PDE10A: variants seen among roughly 807,000 people sequenced by gnomAD.
PDE10A encodes phosphodiesterase 10A.
Under a neutral mutation model 97.7 loss-of-function variants are expected in PDE10A, and 39 were observed. The ratio of observed to expected loss-of-function variants is 0.40; its 90% confidence interval spans 0.31 to 0.52. The LOEUF is 0.52. Among genes scored for constraint, PDE10A ranks in the 20% least tolerant of loss-of-function variants. The pLI is 0.56. For missense variants in PDE10A, 731 were observed against 1,047.8 expected, an observed-to-expected ratio of 0.70 and a Z score of 4.17; for synonymous variants, 371 against 376.8, an observed-to-expected ratio of 0.98 and a Z score of 0.18.
chr6:165,333,748 G>T (rs1240927404), intron 21 of PDE10A, among the ~76,000 whole-genome samples: 1 of 152,202 alleles, frequency 6.6e-6, no homozygotes, highest in African/African-American at 2.4e-5. Context: ...CTCTCTCAGT[G>T]TCTGTGGTTC....
At chr6:165,780,047 C>G (rs755713883) in intron 1 of PDE10A, among the ~76,000 whole-genome samples, 28 of 152,212 alleles carry the variant, frequency 1.8e-4, no homozygotes, top group Non-Finnish European at 1.5e-5. Flanking sequence ...TACTCTCCCC[C>G]TCTATACTTA....
intron 1 of PDE10A, among the ~76,000 whole-genome samples, chr6:165,784,632 A>G (rs1178277805): frequency 2.0e-5 from 3 of 152,298 alleles, no homozygotes; most frequent in Non-Finnish European, 4.4e-5. Flanking sequence ...ATCTCTGATC[A>G]CTTTTGCTTT....
intron 1 of PDE10A, among the ~76,000 whole-genome samples, chr6:165,899,824 A>G (rs1782054622): frequency 6.6e-6 from 1 of 152,218 alleles, no homozygotes; most frequent in African/African-American, 2.4e-5. Flanking sequence ...CTACAGAATC[A>G]ACTGCAGCCA....
intron 1 of PDE10A, among the ~76,000 whole-genome samples, chr6:165,971,994 C>A (rs776713524): frequency 1.3e-5 from 2 of 152,068 alleles, no homozygotes; most frequent in Non-Finnish European, 2.9e-5. Context: ...GACACAGTAG[C>A]AATCACGGCA....
chr6:165,500,746 T>C (rs1256319234), intron 2 of PDE10A, among the ~76,000 whole-genome samples: 1 of 150,956 alleles, frequency 6.6e-6, no homozygotes, highest in East Asian at 2.0e-4. Context: ...GGCATTTGTC[T>C]CCTGCTGGAC....
intron 1 of PDE10A, among the ~76,000 whole-genome samples, chr6:165,879,977 T>A (rs145313694): frequency 2.2e-3 from 339 of 152,196 alleles, no homozygotes; most frequent in African/African-American, 7.6e-3. Flanking sequence ...CTAACAAACT[T>A]GTCTCCATTA....
At chr6:165,441,403 G>A (rs1790454712) in intron 5 of PDE10A, among the ~76,000 whole-genome samples, 1 of 152,066 alleles carries the variant, frequency 6.6e-6, no homozygotes. Flanking sequence ...CAGTTTTTTG[G>A]TACTTAGCAG....
At chr6:165,942,126 C>CT (rs35845419) in intron 1 of PDE10A, among the ~76,000 whole-genome samples, 26 of 152,166 alleles carry the variant, frequency 1.7e-4, no homozygotes, top group Non-Finnish European at 3.2e-4. Context: ...CTCATAAAAA[C>CT]TTTTTTCAAT....
At chr6:165,610,271 C>T (rs549497856) in intron 1 of PDE10A, among the ~76,000 whole-genome samples, 5 of 152,246 alleles carry the variant, frequency 3.3e-5, no homozygotes, top group Admixed American at 1.3e-4. Flanking sequence ...CGGCCAGGCC[C>T]GGTGGCTCAC....
intron 3 of PDE10A, among the ~76,000 whole-genome samples, chr6:165,473,140 A>G (rs893780709): frequency 6.6e-6 from 1 of 152,328 alleles, no homozygotes; most frequent in African/African-American, 2.4e-5. Context: ...TTTAGTCACT[A>G]AAGATAATTT....
chr6:165,471,452 C>T (rs576162839), intron 3 of PDE10A, among the ~76,000 whole-genome samples: 2 of 152,258 alleles, frequency 1.3e-5, no homozygotes, highest in South Asian at 2.1e-4. Flanking sequence ...TACCTAAACT[C>T]CAGTCTCATA....
intron 1 of PDE10A, among the ~76,000 whole-genome samples, chr6:165,823,867 C>T (rs529940722): frequency 6.6e-6 from 1 of 152,186 alleles, no homozygotes; most frequent in South Asian, 2.1e-4. Context: ...TGTCATTGAA[C>T]AAAATGTCAT....
chr6:165,659,757 C>T (rs962161809), intron 1 of PDE10A, among the ~76,000 whole-genome samples: 2 of 152,220 alleles, frequency 1.3e-5, no homozygotes, highest in African/African-American at 2.4e-5. Context: ...CTGGGCCTTT[C>T]TGCAGAGTAG....
In PDE10A at chr6:165,975,596, T is replaced by A. The variant is rs9459549; in HGVS notation, c.-615+11933A>T. ...AGTTTCCAACTTTAATGAGAATATA[T>A]TTTCATGGGGAGAGGCAGACAATAA... On this transcript the variant is annotated intron_variant, in intron 1 of 19. Coordinates refer to the PDE10A transcript ENST00000366882. 8.8e-3 allele frequency among the ~76,000 whole-genome samples: 1,340 copies of A among 152,290 alleles called. 24 individuals carry two copies. The highest frequency in any genetic ancestry group is 0.057 in the South Asian group (275 of 4,818).
chr6:165,836,420 G>C (rs1780065324), intron 1 of PDE10A, among the ~76,000 whole-genome samples: 1 of 152,222 alleles, frequency 6.6e-6, no homozygotes, highest in Non-Finnish European at 1.5e-5. Flanking sequence ...ACCCCATGGG[G>C]CAAGCCCTTC....
In PDE10A at chr6:165,655,272, C is replaced by T. The variant is rs1347520433; in HGVS notation, c.865+6675G>A. 6.6e-6 allele frequency among the ~76,000 whole-genome samples: 1 copy of T among 152,150 alleles called. No homozygotes were observed. Among genetic ancestry groups the T allele is most frequent in the Non-Finnish European group, 1.5e-5 (1 of 68,028 alleles). ...TTTCTATGCTGCAGTCTTGAACGAT[C>T]CTTTGGATCAAATCCTCCCAGGCTT... is the stretch of plus-strand genomic sequence containing the variant. On this transcript the variant is annotated intron_variant, in intron 1 of 21. Transcript: ENST00000539869. The surrounding 1 kb of genome is among the most constrained non-coding windows in gnomAD (Gnocchi z 4.5).
intron 1 of PDE10A, among the ~76,000 whole-genome samples, chr6:165,648,692 A>T (rs780176923): frequency 9.2e-5 from 14 of 152,230 alleles, no homozygotes; most frequent in Non-Finnish European, 1.5e-4. Context: ...AAAATCATAC[A>T]GGAAAAAAAT....
At position 165,543,889 on chromosome 6, in the gene PDE10A, T is replaced by C. The variant is rs534614289; in HGVS notation, c.866-321A>G. ...ATATATACGTGTGTGTGTGTGTGTG[T>C]GTATGACCACAATAAAAAAGAATGC... On this transcript the variant is annotated intron_variant, in intron 1 of 21. Coordinates refer to ENST00000539869, the MANE Select transcript of PDE10A (RefSeq NM_001385079.1). Among the ~76,000 whole-genome samples the C allele has an allele frequency of 4.6e-5, 7 of 152,194 alleles. No individual in the cohort carries two copies. The South Asian group carries it at 1.5e-3, about 32-fold the overall frequency.
chr6:165,763,446 C>G (rs1562724131), intron 1 of PDE10A, among the ~76,000 whole-genome samples: 1 of 152,142 alleles, frequency 6.6e-6, no homozygotes. Context: ...CCTCAGCCCC[C>G]CCAGTAGCCG....
Sources: allele counts gnomAD v4.1 joint callset (sites outside exome capture counted in the v4.1 genomes callset), GRCh38; gene constraint gnomAD v4.1.1; non-coding constraint Gnocchi (gnomAD v3.1); transcripts MANE v1.5; gene names NCBI Gene and HGNC (gene_info 2026-07-23, HGNC 2026-07-21).